Variants in GPLD1 observed in about 807,000 individuals in gnomAD.
GPLD1 encodes glycosylphosphatidylinositol specific phospholipase D1.
GPLD1 carries 84 observed loss-of-function variants against 112.6 expected under a neutral mutation model. The observed-to-expected ratio is 0.75, with a 90% CI of 0.63 to 0.89. The LOEUF is 0.89. GPLD1 is among the 40% of genes least tolerant of loss of function. The pLI is 0.00. For synonymous variants in GPLD1, 386 were observed against 403.8 expected (o/e 0.96, Z 0.53); for missense variants, 1,044 against 1,051.5 (o/e 0.99, Z 0.10).
At chr6:24,493,459 G>A (rs1764607433), upstream of GPLD1, among the ~76,000 whole-genome samples, 1 of 152,112 alleles carries the variant, frequency 6.6e-6, no homozygotes, top group African/African-American at 2.4e-5. Context: ...CTGGGTGACA[G>A]AATGAGTCTG....
At chr6:24,452,439 G>A (rs752064254) in intron 14 of GPLD1, among the ~76,000 whole-genome samples, 2 of 152,152 alleles carry the variant, frequency 1.3e-5, no homozygotes, top group Non-Finnish European at 2.9e-5. Context: ...CCTTTCATCA[G>A]AGCCTAAACT....
At chr6:24,493,631 G>A (rs1764613400), upstream of GPLD1, among the ~76,000 whole-genome samples, 1 of 152,154 alleles carries the variant, frequency 6.6e-6, no homozygotes, top group Non-Finnish European at 1.5e-5. Flanking sequence ...GGACTCCCTG[G>A]TTCTCCCCAG....
chr6:24,472,734 T>A, intron 6 of GPLD1, 98 bp from the exon 7 acceptor site: 1 of 740,824 alleles, frequency 1.3e-6, no homozygotes, highest in South Asian at 1.5e-5. Flanking sequence ...TATTAGTTTT[T>A]CACATTATTA....
chr6:24,476,979 G>A (rs986208147), intron 3 of GPLD1, among the ~76,000 whole-genome samples: 5 of 151,852 alleles, frequency 3.3e-5, no homozygotes, highest in East Asian at 1.9e-4. Context: ...TTTCTATGCC[G>A]TTCCTAAAGT....
At chr6:24,442,124 ATTAT>A (rs895592894) in intron 20 of GPLD1, among the ~76,000 whole-genome samples, 9 of 150,534 alleles carry the variant, frequency 6.0e-5, no homozygotes, top group African/African-American at 2.2e-4. Context: ...ATTTTCTATT[ATTAT>A]TTATCTTTTA....
chr6:24,457,944 C>A (rs1424988142), intron 12 of GPLD1, among the ~76,000 whole-genome samples: 1 of 151,684 alleles, frequency 6.6e-6, no homozygotes. Context: ...CAGGCAGGCA[C>A]GAGAGGTCAC....
chr6:24,435,157 G>T (rs1447513759), intron 22 of GPLD1, among the ~76,000 whole-genome samples: 1 of 151,378 alleles, frequency 6.6e-6, no homozygotes, highest in Non-Finnish European at 1.5e-5. Flanking sequence ...GACTACAGGC[G>T]CCCGCCACCA....
At position 24,433,344 on chromosome 6, in the gene GPLD1, T is replaced by A. The variant is rs1762464682; in HGVS notation, c.2385+19A>T. The A allele has an allele frequency of 6.2e-7, 1 of 1,606,702 alleles. No individual in the cohort carries two copies. The highest frequency in any genetic ancestry group is 8.5e-7 in the Non-Finnish European group (1 of 1,173,350). On this transcript the variant is annotated intron_variant, in intron 23 of 24. Transcript: ENST00000230036. ...GTTTTGGTAATTTTTCTTTCTTCAG[T>A]CTTTCAAGGGATACTTACTTCAGGA...
intron 20 of GPLD1, among the ~76,000 whole-genome samples, chr6:24,442,167 G>A (rs1762768550): frequency 6.6e-6 from 1 of 151,330 alleles, no homozygotes; most frequent in African/African-American, 2.4e-5. Context: ...TGTTGCCCAG[G>A]CTGGAGTGCA....
chr6:24,495,137 C>G, exon 1 of GPLD1: 1 of 1,410,908 alleles, frequency 7.1e-7, no homozygotes. Context: ...TCCGCTGCTA[C>G]GCTGGGCGCC....
intron 7 of GPLD1, among the ~76,000 whole-genome samples, chr6:24,471,726 C>A (rs894436213): frequency 6.6e-6 from 1 of 152,084 alleles, no homozygotes; most frequent in East Asian, 1.9e-4. Flanking sequence ...GGTTTTCTTT[C>A]TTTTTATTTA....
chr6:24,448,791 C>T (rs1762991595), intron 15 of GPLD1, among the ~76,000 whole-genome samples: 1 of 152,142 alleles, frequency 6.6e-6, no homozygotes, highest in Non-Finnish European at 1.5e-5. Context: ...GTACCACTTA[C>T]CTGCCTGAGG....
intron 12 of GPLD1, among the ~76,000 whole-genome samples, chr6:24,458,944 T>TAAACC (rs1397889813): frequency 6.6e-6 from 1 of 152,100 alleles, no homozygotes. Context: ...AACTAGGCCC[T>TAAACC]TCCGCAATTC....
intron 20 of GPLD1, among the ~76,000 whole-genome samples, chr6:24,443,644 C>G (rs1011512546): frequency 2.0e-5 from 3 of 151,952 alleles, no homozygotes; most frequent in Non-Finnish European, 2.9e-5. Context: ...AAAAATTTAG[C>G]CATTCCTTTG....
At position 24,479,931 on chromosome 6, in the gene GPLD1, T is replaced by A. The variant is rs1313411135; in HGVS notation, c.182A>T (p.Gln61Leu). The change falls in exon 3 of 25, where the codon CAG becomes CTG. Residue 61 changes from glutamine to leucine, a missense_variant. Transcript: ENST00000230036. ...ELLLEHQDAY[Q>L]AGIVFPDCFY... ...ACAATCAGGAAACACGATTCCAGCC[T>A]GATACGCATCCTGGTGTTCTAGTAA... The A allele has an allele frequency of 2.5e-6, 4 of 1,610,248 alleles. No homozygotes were observed. Among genetic ancestry groups the A allele is most frequent in the Admixed American group, 3.3e-5 (2 of 59,988 alleles).
intron 18 of GPLD1, among the ~76,000 whole-genome samples, chr6:24,446,206 G>A (rs750544989): frequency 1.3e-5 from 2 of 152,108 alleles, no homozygotes; most frequent in African/African-American, 4.8e-5. Flanking sequence ...ATTAAGTTAC[G>A]ATGAGGTCAT....
intron 20 of GPLD1, among the ~76,000 whole-genome samples, chr6:24,441,536 C>A (rs866899731): frequency 1.3e-5 from 2 of 152,270 alleles, no homozygotes; most frequent in Middle Eastern, 3.4e-3. Flanking sequence ...GATGCCACAT[C>A]TTTGCAAAGC....
At chr6:24,461,324 T>G (rs979672244) in intron 11 of GPLD1, among the ~76,000 whole-genome samples, 1 of 151,928 alleles carries the variant, frequency 6.6e-6, no homozygotes, top group Non-Finnish European at 1.5e-5. Flanking sequence ...AAGGAATGGT[T>G]TGCTAGGAAA....
In GPLD1 at chr6:24,426,169, A is replaced by G. The variant is rs889279491; in HGVS notation, c.*2863T>C. The G allele has an allele frequency of 1.3e-5, 2 of 152,264 alleles. No individual in the cohort carries two copies. Among genetic ancestry groups the G allele is most frequent in the African/African-American group, 4.8e-5 (2 of 41,480 alleles). 9.4% of individuals were successfully genotyped at this position (152,264 alleles called of 1,614,324 possible). On this transcript the variant is annotated 3_prime_UTR_variant, in exon 25 of 25. Coordinates refer to ENST00000230036, the MANE Select transcript of GPLD1 (RefSeq NM_001503.4). ...TGTAAATGTCTTCTGATATCTTGAA[A>G]TAAAGATAAATTTCAGTTAAACTTG... is the stretch of plus-strand genomic sequence containing the variant.
Sources: gnomAD v4.1 joint callset for allele counts (sites outside exome capture counted in the v4.1 genomes callset) on GRCh38, gnomAD v4.1.1 for gene constraint, MANE v1.5 for transcripts, NCBI Gene and HGNC (gene_info 2026-07-23, HGNC 2026-07-21) for gene names.